The following FBLN5 variants were observed in gnomAD, a reference collection of about 807,000 sequenced individuals.
FBLN5 encodes the protein fibulin-5.
In FBLN5, 24 loss-of-function variants were observed where a neutral mutation model predicts 61.6. The ratio of observed to expected loss-of-function variants is 0.39; its 90% CI spans 0.28 to 0.55. The LOEUF (loss-of-function observed/expected upper bound fraction) is 0.55. Among genes scored for constraint, FBLN5 ranks in the 20% least tolerant of loss-of-function variants. The probability of loss-of-function intolerance (pLI) is 0.65; values close to 1 mark genes in which losing one functional copy is unlikely to be tolerated. For missense variants in FBLN5, 470 were observed against 594.1 expected (o/e 0.79, Z 2.17); for synonymous variants, 213 against 219.8 (o/e 0.97, Z 0.27).
chr14:91,934,505 T>C (rs2055980364), intron 4 of FBLN5, among the ~76,000 whole-genome samples: 1 of 152,244 alleles, frequency 6.6e-6, no homozygotes, highest in Non-Finnish European at 1.5e-5. Context: ...TGTTTGATAT[T>C]ATTACCACTG....
intron 5 of FBLN5, 73 bp downstream of exon 5, chr14:91,894,866 CAGCCAGCTATG>C: frequency 7.6e-6 from 9 of 1,181,386 alleles, no homozygotes; most frequent in Middle Eastern, 4.3e-4. Flanking sequence ...TACCCTCAGG[CAGCCAGCTATG>C]CCCATACCTC....
chr14:91,870,645 C>T lies in FBLN5; in HGVS notation c.1186-260G>A, dbSNP rs929609. On this transcript the variant is annotated intron_variant, in intron 10 of 10. Coordinates refer to ENST00000342058, the MANE Select transcript of FBLN5 (RefSeq NM_006329.4). ...AGTCAGGTCCCCCTGCGACCTCTGA[C>T]GCTGCAGCCTTTACTTTGTACAGGA... Among the ~76,000 whole-genome samples, 62,925 of 152,150 alleles carry T rather than the reference C, an allele frequency of 0.41. 14,253 individuals are homozygous for T. The highest frequency in any genetic ancestry group is 0.63 in the East Asian group (3,272 of 5,168).
intron 4 of FBLN5, among the ~76,000 whole-genome samples, chr14:91,914,746 G>A (rs933404350): frequency 6.7e-6 from 1 of 150,210 alleles, no homozygotes; most frequent in African/African-American, 2.4e-5. Flanking sequence ...AGATCGGGGA[G>A]AGCAACAAAG....
At chr14:91,903,756 C>T (rs1275491744) in intron 4 of FBLN5, among the ~76,000 whole-genome samples, 1 of 152,208 alleles carries the variant, frequency 6.6e-6, no homozygotes, top group African/African-American at 2.4e-5. Context: ...TCACGTCCCA[C>T]TCTCATACAA....
chr14:91,932,362 TC>T (rs2055938673), intron 4 of FBLN5, among the ~76,000 whole-genome samples: 1 of 152,068 alleles, frequency 6.6e-6, no homozygotes, highest in African/African-American at 2.4e-5. Context: ...TCTAGTCACC[TC>T]CAAAGTGGAA....
intron 1 of FBLN5, chr14:91,946,815 T>A (rs2056192292): frequency 6.5e-7 from 1 of 1,532,602 alleles, no homozygotes. Flanking sequence ...AGCTAGCCTG[T>A]CTGCTTGTCT....
chr14:91,900,226 C>G (rs1309445137), intron 4 of FBLN5, among the ~76,000 whole-genome samples: 1 of 152,160 alleles, frequency 6.6e-6, no homozygotes, highest in Non-Finnish European at 1.5e-5. Context: ...AGTATTAACT[C>G]ACAGATTATT....
intron 4 of FBLN5, among the ~76,000 whole-genome samples, chr14:91,927,895 G>A (rs1359673430): frequency 6.6e-6 from 1 of 152,200 alleles, no homozygotes; most frequent in Non-Finnish European, 1.5e-5. Context: ...CTAGACCAAG[G>A]AACATAAGAT....
chr14:91,872,410 A>G (rs934361246), intron 10 of FBLN5, among the ~76,000 whole-genome samples: 1 of 152,232 alleles, frequency 6.6e-6, no homozygotes, highest in Non-Finnish European at 1.5e-5. Context: ...GGGCTGGACA[A>G]TCACTTCCCA....
chr14:91,909,671 C>G (rs1481365939), intron 4 of FBLN5, among the ~76,000 whole-genome samples: 2 of 152,176 alleles, frequency 1.3e-5, no homozygotes, highest in Non-Finnish European at 2.9e-5. Context: ...ATGATGCCTT[C>G]CACCGTGTTA....
At chr14:91,902,634 T>C (rs1367690391) in intron 4 of FBLN5, among the ~76,000 whole-genome samples, 1 of 152,196 alleles carries the variant, frequency 6.6e-6, no homozygotes, top group Non-Finnish European at 1.5e-5. Flanking sequence ...TGTTAAAATG[T>C]AGATTCTAAT....
intron 4 of FBLN5, among the ~76,000 whole-genome samples, chr14:91,903,429 C>T (rs1046768082): frequency 6.6e-6 from 1 of 152,172 alleles, no homozygotes; most frequent in African/African-American, 2.4e-5. Context: ...TACAAAAGAT[C>T]CCAGTGAGGA....
chr14:91,937,349 T>C (rs1313428744), intron 3 of FBLN5, 148 bp from the exon 4 acceptor site: 2 of 983,508 alleles, frequency 2.0e-6, no homozygotes, highest in African/African-American at 3.2e-5. Flanking sequence ...GTACCCCAAA[T>C]GTTGGCTGAA....
Position 91,869,990 on chromosome 14 carries a change from C to A in FBLN5, c.*234G>T. ...CACCAACAATCTTCTATCAGGGGAG[C>A]AATGATAATACTTTTTGATAACTGT... On this transcript the variant is annotated 3_prime_UTR_variant, in exon 11 of 11. Coordinates refer to ENST00000342058, the MANE Select transcript of FBLN5 (RefSeq NM_006329.4). 2 of 552,262 alleles carry A rather than the reference C, an allele frequency of 3.6e-6. No homozygotes were observed. The highest frequency in any genetic ancestry group is 2.0e-5 in the South Asian group (1 of 50,340). 34.2% of individuals were successfully genotyped at this position (552,262 alleles called of 1,614,324 possible). A position where few individuals can be genotyped will look rare whatever the true frequency, so the allele number is the denominator to read the frequency against.
intron 4 of FBLN5, among the ~76,000 whole-genome samples, chr14:91,919,608 A>C (rs1366476782): frequency 6.6e-6 from 1 of 152,208 alleles, no homozygotes; most frequent in Non-Finnish European, 1.5e-5. Context: ...ATTCAGTTAA[A>C]ATGAGCCCGT....
At position 91,870,244 on chromosome 14, in the gene FBLN5, C is replaced by T. The variant is rs755875400; in HGVS notation, c.1327G>A (p.Val443Met). ...GSSVIRLRIYVSQYPF is the reference protein window; with the variant it reads ...GSSVIRLRIYMSQYPF ...GAGGCTCAGAATGGGTACTGCGACA[C>T]ATATATCCGCAGTCGGATCACGGAG... The change falls in exon 11 of 11, where the codon GTG (valine) becomes ATG (methionine). Residue 443 changes from valine (V) to methionine (M), a missense_variant. By Grantham distance (21) the Val-to-Met change is conservative (BLOSUM62 1). Transcript: ENST00000342058. 5 of 1,614,208 alleles carry T rather than the reference C, an allele frequency of 3.1e-6. No homozygotes were observed. The highest frequency in any genetic ancestry group is 1.3e-5 in the African/African-American group (1 of 75,058).
intron 4 of FBLN5, among the ~76,000 whole-genome samples, chr14:91,901,456 T>A (rs1318290814): frequency 6.6e-6 from 1 of 152,202 alleles, no homozygotes; most frequent in African/African-American, 2.4e-5. Flanking sequence ...AATAACATGT[T>A]TTCCCAGCCC....
In FBLN5 at chr14:91,902,816, ATAT is replaced by A. The variant is rs1427149397; in HGVS notation, c.380-7747_380-7745del. Among the ~76,000 whole-genome samples the A allele has an allele frequency of 3.3e-5, 5 of 152,186 alleles. No homozygotes were observed. The East Asian group carries it at 9.6e-4, about 29-fold the overall frequency. On this transcript the variant is annotated intron_variant, in intron 4 of 10. Coordinates refer to ENST00000342058, the MANE Select transcript of FBLN5 (RefSeq NM_006329.4). ...TTAGGTTGGTGCATAAGTAACTGCA[ATAT>A]TTAAGAGAGTCTAAGAGGGAATTTA...
intron 7 of FBLN5, among the ~76,000 whole-genome samples, chr14:91,884,209 C>A (rs1025971232): frequency 6.6e-6 from 1 of 152,158 alleles, no homozygotes; most frequent in Admixed American, 6.5e-5. Context: ...TCCTTCCTGT[C>A]TCTCTCAGGG....
Sources: gnomAD v4.1 joint callset for allele counts (sites outside exome capture counted in the v4.1 genomes callset) on GRCh38, gnomAD v4.1.1 for gene constraint, MANE v1.5 for transcripts, NCBI Gene and HGNC (gene_info 2026-07-23, HGNC 2026-07-21) for gene names.